Variants in PGLYRP4 observed in about 807,000 individuals in gnomAD.
PGLYRP4 encodes peptidoglycan recognition protein 4, also known as PGRP-I-beta.
In PGLYRP4, 39 loss-of-function variants were observed where a neutral mutation model predicts 41.2. The ratio of observed to expected loss-of-function variants is 0.95; its 90% CI spans 0.73 to 1.24. The LOEUF is 1.24. Among genes scored for constraint, PGLYRP4 ranks in the 50% most tolerant of loss-of-function variants. The probability of loss-of-function intolerance (pLI) is 0.00; values close to 1 mark genes in which losing one functional copy is unlikely to be tolerated. For synonymous variants in PGLYRP4, 202 were observed against 186.8 expected, an observed-to-expected ratio of 1.08 and a Z score of -0.66; for missense variants, 467 against 460.7, an observed-to-expected ratio of 1.01 and a Z score of -0.13.
At chr1:153,343,267 G>T in intron 4 of PGLYRP4, 59 bp from the exon 5 acceptor site, 1 of 1,146,934 alleles carries the variant, frequency 8.7e-7, no homozygotes, top group South Asian at 1.3e-5. Context: ...CCTGAGAGGT[G>T]AAACCACTTA....
At position 153,336,284 on chromosome 1, in the gene PGLYRP4, T is replaced by C. The variant is rs575994843; in HGVS notation, c.943+897A>G. 1.2e-3 allele frequency among the ~76,000 whole-genome samples: 175 copies of C among 140,846 alleles called. 1 individual carries two copies. Among genetic ancestry groups the C allele is most frequent in the Non-Finnish European group, 2.0e-3 (133 of 66,648 alleles). 92.4% of individuals were successfully genotyped at this position (140,846 alleles called of 152,430 possible). Reference sequence around the variant, plus strand: ...TACTCGGGAGGTTGAGGCCAGAGAATCGCTTGAACCCAGGAGGCGGAGGTT... The same window carrying C: ...TACTCGGGAGGTTGAGGCCAGAGAACCGCTTGAACCCAGGAGGCGGAGGTT... On this transcript the variant is annotated intron_variant, in intron 8 of 8. Transcript: ENST00000359650.
At chr1:153,341,273 C>A (rs1401770616) in intron 6 of PGLYRP4, among the ~76,000 whole-genome samples, 1 of 152,222 alleles carries the variant, frequency 6.6e-6, no homozygotes, top group Admixed American at 6.5e-5. Flanking sequence ...TCTCTGCCCT[C>A]TAGACTGAAA....
At chr1:153,347,589 G>A (rs1661070360) in intron 2 of PGLYRP4, among the ~76,000 whole-genome samples, 1 of 152,184 alleles carries the variant, frequency 6.6e-6, no homozygotes, top group Non-Finnish European at 1.5e-5. Flanking sequence ...GGCCAGGATG[G>A]TCTCGATCTC....
At position 153,341,671 on chromosome 1, in the gene PGLYRP4, C is replaced by T. The variant is rs746843830; in HGVS notation, c.581G>A (p.Gly194Asp). 46 of 1,613,574 alleles carry T rather than the reference C, an allele frequency of 2.9e-5. No individual in the cohort carries two copies. The highest frequency in any genetic ancestry group is 3.8e-5 in the Non-Finnish European group (45 of 1,180,010). The change falls in exon 6 of 9, where the codon GGC becomes GAC. Residue 194 changes from glycine (G) to aspartate (D), a missense_variant. Coordinates refer to ENST00000359650, the MANE Select transcript of PGLYRP4 (RefSeq NM_020393.4). ...SSYVQPLLGK[G>D]ENCLAPRQKT... Reference sequence around the variant, plus strand: ...CTGCCGAGGGGCCAGGCAGTTCTCGCCTTTCCCAAGAAGTGGCTGAACATA... The same window carrying T: ...CTGCCGAGGGGCCAGGCAGTTCTCGTCTTTCCCAAGAAGTGGCTGAACATA...
chr1:153,342,221 G>T (rs1284247163), intron 5 of PGLYRP4, among the ~76,000 whole-genome samples: 1 of 152,216 alleles, frequency 6.6e-6, no homozygotes, highest in East Asian at 1.9e-4. Context: ...GAAGTAATGT[G>T]CTCAAGATCC....
intron 7 of PGLYRP4, among the ~76,000 whole-genome samples, chr1:153,338,335 G>A (rs543254544): frequency 2.6e-5 from 4 of 152,104 alleles, no homozygotes; most frequent in African/African-American, 7.2e-5. Context: ...ACTTATCTCT[G>A]TAACCTCTGC....
intron 5 of PGLYRP4, among the ~76,000 whole-genome samples, chr1:153,342,523 G>A (rs3014862): frequency 0.81 from 123,169 of 152,214 alleles, 50,160 homozygotes; most frequent in Middle Eastern, 0.87. Context: ...ACGGGAAAGG[G>A]TACACAAATT....
chr1:153,347,052 A>AT (rs1661039141), intron 2 of PGLYRP4, among the ~76,000 whole-genome samples: 1 of 151,672 alleles, frequency 6.6e-6, no homozygotes, highest in African/African-American at 2.4e-5. Flanking sequence ...GTTTTGGGGG[A>AT]TTTTTTCGTT....
intron 8 of PGLYRP4, among the ~76,000 whole-genome samples, chr1:153,336,369 C>CAAAAAAAAAA (rs58665160): frequency 2.2e-4 from 17 of 76,498 alleles, no homozygotes; most frequent in African/African-American, 4.0e-4. Flanking sequence ...GACTCCATCT[C>CAAAAAAAAAA]AAAAAAAAAA....
chr1:153,346,624 T>G (rs7535250), intron 2 of PGLYRP4, among the ~76,000 whole-genome samples: 5,483 of 152,266 alleles, frequency 0.036, 139 homozygotes, highest in Middle Eastern at 0.11. Flanking sequence ...CCGGGATTGA[T>G]TTTAGGGACG....
chr1:153,346,655 G>A lies in PGLYRP4; in HGVS notation c.50-464C>T, dbSNP rs1249370146. Among the ~76,000 whole-genome samples the A allele has an allele frequency of 1.3e-5, 2 of 152,198 alleles. 1 individual carries two copies. The highest frequency in any genetic ancestry group is 2.9e-5 in the Non-Finnish European group (2 of 68,044). On this transcript the variant is annotated intron_variant, in intron 2 of 8. Transcript: ENST00000359650. ...GGACGTGTGCTATGCCCATTCTCCT[G>A]TCTGAAGGCCCATGGGGGATGGGCA...
chr1:153,335,647 C>T (rs762308763), intron 8 of PGLYRP4, among the ~76,000 whole-genome samples: 1 of 151,924 alleles, frequency 6.6e-6, no homozygotes, highest in Non-Finnish European at 1.5e-5. Flanking sequence ...ATTGCTTGAA[C>T]CCGGGTGGCG....
At chr1:153,347,372 G>A (rs6587739) in intron 2 of PGLYRP4, among the ~76,000 whole-genome samples, 125,855 of 151,636 alleles carry the variant, frequency 0.83, 52,386 homozygotes, top group East Asian at 0.88. Context: ...TTTGTTTGTT[G>A]GTTTGTTTGT....
intron 8 of PGLYRP4, among the ~76,000 whole-genome samples, chr1:153,334,197 G>A (rs1253568060): frequency 6.6e-6 from 1 of 151,782 alleles, no homozygotes; most frequent in Non-Finnish European, 1.5e-5. Flanking sequence ...AATAATTTCA[G>A]TAGTTTCAAG....
chr1:153,344,752 G>T (rs1208810230), intron 4 of PGLYRP4, among the ~76,000 whole-genome samples: 4 of 152,154 alleles, frequency 2.6e-5, no homozygotes, highest in Admixed American at 2.0e-4. Context: ...GCCAGTTTAG[G>T]CTCCATGGGT....
At position 153,330,710 on chromosome 1, in the gene PGLYRP4, G is replaced by C; in HGVS notation, c.*57C>G. ...GTGTTGAGCCAAGCTGGATGGTTAG[G>C]ACAGGAGAGACCTGACAGGGGAGGG... On this transcript the variant is annotated 3_prime_UTR_variant, in exon 9 of 9. Coordinates refer to ENST00000359650, the MANE Select transcript of PGLYRP4 (RefSeq NM_020393.4). 6.7e-7 allele frequency: 1 copy of C among 1,495,970 alleles called. No individual in the cohort carries two copies. The highest frequency in any genetic ancestry group is 9.2e-7 in the Non-Finnish European group (1 of 1,082,048). 92.7% of individuals were successfully genotyped at this position (1,495,970 alleles called of 1,614,324 possible). A position where few individuals can be genotyped will look rare whatever the true frequency, so the allele number is the denominator to read the frequency against.
In PGLYRP4 at chr1:153,347,996, A is replaced by G. The variant is rs1314457776; in HGVS notation, c.-46-18T>C. 7.6e-7 allele frequency: 1 copy of G among 1,312,012 alleles called. No homozygotes were observed. Among genetic ancestry groups the G allele is most frequent in the African/African-American group, 1.5e-5 (1 of 68,500 alleles). 81.3% of individuals were successfully genotyped at this position (1,312,012 alleles called of 1,614,324 possible). A position where few individuals can be genotyped will look rare whatever the true frequency, so the allele number is the denominator to read the frequency against. On this transcript the variant is annotated intron_variant, in intron 1 of 8. Coordinates refer to ENST00000359650, the MANE Select transcript of PGLYRP4 (RefSeq NM_020393.4). ...ATGGCAGCCTGAGAGAGACGCTGAC[A>G]GTTGTTAACATGACCATTCTCAATC...
intron 2 of PGLYRP4, 37 bp downstream of exon 2, chr1:153,347,847 T>C: frequency 6.8e-7 from 1 of 1,462,350 alleles, no homozygotes; most frequent in Non-Finnish European, 9.6e-7. Context: ...GGATCACCCT[T>C]CTCGGTTGCT....
chr1:153,331,093 C>T (rs1660317383), intron 8 of PGLYRP4, 148 bp from the exon 9 acceptor site: 1 of 552,882 alleles, frequency 1.8e-6, no homozygotes. Flanking sequence ...AAGGTCAAGA[C>T]TTCAGATTTC....
Sources: allele counts gnomAD v4.1 joint callset (sites outside exome capture counted in the v4.1 genomes callset), GRCh38; gene constraint gnomAD v4.1.1; transcripts MANE v1.5; gene names NCBI Gene and HGNC (gene_info 2026-07-23, HGNC 2026-07-21).